The following RAPGEF1 variants were observed in gnomAD, a reference collection of about 807,000 sequenced individuals.
The protein encoded by RAPGEF1 is CRK SH3-binding GNRP.
Under a neutral mutation model 143.3 loss-of-function variants are expected in RAPGEF1, and 33 were observed. The observed-to-expected ratio is 0.23, with a 90% confidence interval of 0.17 to 0.31. RAPGEF1 has a LOEUF of 0.31. Ranked by LOEUF, RAPGEF1 falls within the 10% of genes least tolerant of loss-of-function variation. The pLI, the probability that RAPGEF1 is intolerant of heterozygous loss-of-function variation, is 1.00. For missense variants in RAPGEF1, 1,199 were observed against 1,645.4 expected, an observed-to-expected ratio of 0.73 and a Z score of 4.69; for synonymous variants, 629 against 676.5, an observed-to-expected ratio of 0.93 and a Z score of 1.09.
intron 1 of RAPGEF1, among the ~76,000 whole-genome samples, chr9:131,728,242 T>C (rs954781602): frequency 3.9e-5 from 6 of 152,208 alleles, no homozygotes; most frequent in Admixed American, 6.5e-5. Context: ...TCAATGCAAC[T>C]TGTAAGTTAC....
In RAPGEF1 at chr9:131,628,053, C is replaced by A; in HGVS notation, c.1061G>T (p.Gly354Val). ...DCYAQRRLSG[G>V]SHSYGGESPR... ...CGACTCTCCACCATATGAGTGGCTG[C>A]CTCCTGACAGTCGCCTCTGTGCGTA... Residue 354 changes from glycine to valine, a missense_variant, in exon 9 of 27, where the codon GGC becomes GTC. By Grantham distance (109) the Gly-to-Val change is moderately radical. Coordinates refer to ENST00000683357, the MANE Select transcript of RAPGEF1 (RefSeq NM_001377935.1). The surrounding 1 kb of genome is among the most constrained non-coding windows in gnomAD (Gnocchi z 5.7). 5 of 1,569,358 alleles carry A rather than the reference C, an allele frequency of 3.2e-6. No homozygotes were observed. Among genetic ancestry groups the A allele is most frequent in the Non-Finnish European group, 4.3e-6 (5 of 1,157,604 alleles).
At position 131,590,420 on chromosome 9, in the gene RAPGEF1, T is replaced by C. The variant is rs1483750222; in HGVS notation, c.2775-442A>G. 2.0e-5 allele frequency among the ~76,000 whole-genome samples: 3 copies of C among 152,154 alleles called. No homozygotes were observed. The East Asian group carries it at 5.8e-4, about 29-fold the overall frequency. The stretch of plus-strand genomic sequence containing the variant: ...CCTCCAGTCTTTCTGTGAGTTTCCA[T>C]CCTGAGGCTGCCTCCCTGGGCTCTG... On this transcript the variant is annotated intron_variant, in intron 18 of 26. Coordinates refer to ENST00000683357, the MANE Select transcript of RAPGEF1 (RefSeq NM_001377935.1).
intron 14 of RAPGEF1, among the ~76,000 whole-genome samples, chr9:131,603,266 A>G (rs1956566743): frequency 6.6e-6 from 1 of 152,244 alleles, no homozygotes; most frequent in Non-Finnish European, 1.5e-5. Context: ...CCTCCCTTCA[A>G]GGAACCTGTC....
intron 1 of RAPGEF1, among the ~76,000 whole-genome samples, chr9:131,699,778 C>T (rs1834491820): frequency 1.3e-5 from 2 of 152,146 alleles, no homozygotes; most frequent in Non-Finnish European, 2.9e-5. Context: ...TCATCTCCTC[C>T]ACCTCCTAAT....
Position 131,739,915 on chromosome 9 carries a change from G to T in RAPGEF1, c.-85C>A. The stretch of plus-strand genomic sequence containing the variant: ...CCCTGGCTCGCCACGCCTCAGACCC[G>T]CGCCGGCATGGCGGGCTCCGCGCGG... On this transcript the variant is annotated 5_prime_UTR_variant, in exon 1 of 27. Coordinates refer to ENST00000683357, the MANE Select transcript of RAPGEF1 (RefSeq NM_001377935.1). 2.5e-6 allele frequency: 2 copies of T among 800,870 alleles called. No homozygotes were observed. The highest frequency in any genetic ancestry group is 3.0e-6 in the Non-Finnish European group (2 of 664,502). The allele number at this position is 800,870 out of a possible 1,614,324, so 49.6% of individuals were successfully genotyped here.
chr9:131,612,221 TCTC>T (rs1415230089), intron 12 of RAPGEF1, among the ~76,000 whole-genome samples: 6 of 152,086 alleles, frequency 3.9e-5, no homozygotes, highest in Admixed American at 1.3e-4. Flanking sequence ...TCTTAAAACT[TCTC>T]CTCTGTAATT....
At chr9:131,690,134 T>C (rs1002092534) in intron 1 of RAPGEF1, among the ~76,000 whole-genome samples, 3 of 152,220 alleles carry the variant, frequency 2.0e-5, no homozygotes, top group African/African-American at 7.2e-5. Context: ...TAGTTTTCAC[T>C]AGAAATTAAG....
chr9:131,674,654 C>T (rs993350424), intron 1 of RAPGEF1, among the ~76,000 whole-genome samples: 3 of 152,194 alleles, frequency 2.0e-5, no homozygotes, highest in African/African-American at 7.2e-5. Context: ...TGGCTAGAGT[C>T]CAGTCCGGTG....
chr9:131,645,204 C>T (rs1384434968), intron 3 of RAPGEF1, among the ~76,000 whole-genome samples: 3 of 152,164 alleles, frequency 2.0e-5, no homozygotes, highest in Admixed American at 2.0e-4. Flanking sequence ...GTGAAGGAGT[C>T]GCAGTGCCGA....
In RAPGEF1 at chr9:131,664,300, G is replaced by C. The variant is rs1159015703; in HGVS notation, c.62-13351C>G. 2.0e-5 allele frequency among the ~76,000 whole-genome samples: 3 copies of C among 152,180 alleles called. No homozygotes were observed. In the East Asian group the frequency reaches 5.8e-4, roughly 29 times the overall value. ...GTACCCTAGCTCCTTTTGGTGGGGA[G>C]TGGTATTTAGAAACCAAGATCGGGG... On this transcript the variant is annotated intron_variant, in intron 1 of 26. Transcript: ENST00000683357.
intron 1 of RAPGEF1, among the ~76,000 whole-genome samples, chr9:131,664,191 T>C (rs1013172250): frequency 6.6e-6 from 1 of 152,190 alleles, no homozygotes; most frequent in African/African-American, 2.4e-5. Flanking sequence ...TGGTTTTTGA[T>C]GCAAAAGAAG....
rs762466873 is a variant in RAPGEF1 at position 131,592,190 on chromosome 9, G to A, written c.2690-7C>T. The stretch of plus-strand genomic sequence containing the variant: ...TCGCAGTACAACACCAAATCTAGAG[G>A]GAAAAAACAATGCAAACTGCTTGTC... On this transcript the variant is annotated splice_region_variant and splice_polypyrimidine_tract_variant and intron_variant, in intron 17 of 26. Coordinates refer to ENST00000683357, the MANE Select transcript of RAPGEF1 (RefSeq NM_001377935.1). 9.2e-5 allele frequency: 138 copies of A among 1,503,224 alleles called. 3 individuals are homozygous for A. Among genetic ancestry groups the A allele is most frequent in the Middle Eastern group, 3.4e-4 (2 of 5,842 alleles). The allele number at this position is 1,503,224 out of a possible 1,614,324, so 93.1% of individuals were successfully genotyped here. A position where few individuals can be genotyped will look rare whatever the true frequency, so the allele number is the denominator to read the frequency against.
chr9:131,736,051 C>G (rs1837392984), intron 1 of RAPGEF1, among the ~76,000 whole-genome samples: 1 of 152,108 alleles, frequency 6.6e-6, no homozygotes, highest in East Asian at 1.9e-4. Context: ...GATATATGAG[C>G]AAAAAGAACC....
intron 1 of RAPGEF1, among the ~76,000 whole-genome samples, chr9:131,735,019 G>A (rs944758339): frequency 5.3e-5 from 8 of 152,204 alleles, no homozygotes; most frequent in African/African-American, 9.6e-5. Flanking sequence ...CCTGTGGTTC[G>A]CTGGGAGCAC....
intron 1 of RAPGEF1, chr9:131,737,673 T>G: frequency 8.5e-7 from 1 of 1,178,076 alleles, no homozygotes; most frequent in Non-Finnish European, 1.1e-6. Context: ...TTCCTTTTTT[T>G]AAAAAAAGAG....
At position 131,587,997 on chromosome 9, in the gene RAPGEF1, T is replaced by C; in HGVS notation, c.3083A>G (p.His1028Arg). The C allele has an allele frequency of 1.2e-6, 2 of 1,613,262 alleles. No homozygotes were observed. Among genetic ancestry groups the C allele is most frequent in the Admixed American group, 1.7e-5 (1 of 59,984 alleles). Residue 1028 changes from histidine (H) to arginine (R), a missense_variant, in exon 21 of 27, where the codon CAT becomes CGT. Transcript: ENST00000683357. ...CAGCGTTAGCTGCTCCGCTATCTCATGGCTGTGAAAGTCGTGCAAGGTCCC... is the reference window on the plus strand; with the variant it reads ...CAGCGTTAGCTGCTCCGCTATCTCACGGCTGTGAAAGTCGTGCAAGGTCCC... ...RPGTLHDFHSHEIAEQLTLLD... is the reference protein window; with the variant it reads ...RPGTLHDFHSREIAEQLTLLD...
intron 4 of RAPGEF1, 139 bp downstream of exon 4, chr9:131,643,100 T>C (rs998226455): frequency 4.4e-6 from 4 of 903,584 alleles, no homozygotes; most frequent in Non-Finnish European, 6.5e-6. Context: ...GTGGGGGGAG[T>C]GGTCAGGGGA....
intron 1 of RAPGEF1, among the ~76,000 whole-genome samples, chr9:131,708,320 T>C (rs1234272801): frequency 6.6e-6 from 1 of 152,240 alleles, no homozygotes; most frequent in African/African-American, 2.4e-5. Flanking sequence ...AAGTCTCGCA[T>C]ATGTCATCTC....
At chr9:131,668,805 A>G (rs1830859491) in intron 1 of RAPGEF1, among the ~76,000 whole-genome samples, 1 of 152,258 alleles carries the variant, frequency 6.6e-6, no homozygotes, top group Non-Finnish European at 1.5e-5. Context: ...ATAACAGTTT[A>G]TTCTGAGTAA....
Sources: allele counts gnomAD v4.1 joint callset (sites outside exome capture counted in the v4.1 genomes callset), GRCh38; gene constraint gnomAD v4.1.1; non-coding constraint Gnocchi (gnomAD v3.1); transcripts MANE v1.5; gene names NCBI Gene and HGNC (gene_info 2026-07-23, HGNC 2026-07-21).